The following KDM4C variants were observed in gnomAD, a reference collection of about 807,000 sequenced individuals.
KDM4C encodes lysine demethylase 4C, also known as lysine-specific demethylase 4C.
KDM4C carries 81 observed loss-of-function variants against 129.3 expected under a neutral mutation model. The ratio of observed to expected loss-of-function variants is 0.63; its 90% CI spans 0.52 to 0.75. KDM4C has a LOEUF of 0.75. KDM4C is among the 30% of genes least tolerant of loss of function. KDM4C has a pLI of 0.00. For missense variants in KDM4C, 1,457 were observed against 1,304.0 expected (o/e 1.12, Z -1.81); for synonymous variants, 573 against 456.1 (o/e 1.26, Z -3.26).
chr9:6,734,648 T>G (rs1433589866), intron 1 of KDM4C: 1 of 271,188 alleles, frequency 3.7e-6, no homozygotes, highest in Non-Finnish European at 7.1e-6. Flanking sequence ...ATACTTGCCA[T>G]CAGTCCTGCA....
chr9:6,988,763 T>A (rs1003686896), intron 11 of KDM4C, among the ~76,000 whole-genome samples: 4 of 152,108 alleles, frequency 2.6e-5, no homozygotes, highest in Non-Finnish European at 5.9e-5. Flanking sequence ...TCACTTTACG[T>A]GCTATTCTTG....
At chr9:6,971,216 T>A (rs1457751750) in intron 8 of KDM4C, among the ~76,000 whole-genome samples, 1 of 152,116 alleles carries the variant, frequency 6.6e-6, no homozygotes, top group Admixed American at 6.5e-5. Context: ...ATGTGGAGCT[T>A]TTTTTTGGCT....
chr9:6,851,385 T>G (rs1013480294), intron 5 of KDM4C, among the ~76,000 whole-genome samples: 8 of 152,188 alleles, frequency 5.3e-5, no homozygotes, highest in African/African-American at 1.9e-4. Flanking sequence ...CATCTTTTAG[T>G]TTTTTCAGAA....
chr9:6,961,159 A>G (rs1022081851), intron 8 of KDM4C, among the ~76,000 whole-genome samples: 2 of 152,254 alleles, frequency 1.3e-5, no homozygotes, highest in African/African-American at 4.8e-5. Context: ...AAATTTATTT[A>G]CTAAAGGTAA....
At chr9:6,931,996 C>T (rs1466781175) in intron 8 of KDM4C, among the ~76,000 whole-genome samples, 4 of 152,148 alleles carry the variant, frequency 2.6e-5, no homozygotes, top group Non-Finnish European at 5.9e-5. Flanking sequence ...GGAGTGAGGA[C>T]AGAAAAAGTG....
intron 1 of KDM4C, among the ~76,000 whole-genome samples, chr9:6,784,233 A>G (rs949330259): frequency 4.6e-5 from 7 of 152,130 alleles, no homozygotes; most frequent in Non-Finnish European, 8.8e-5. Context: ...AACTTTCCTG[A>G]GGTCACACAG....
chr9:6,747,024 A>AG (rs1817904110), intron 1 of KDM4C, among the ~76,000 whole-genome samples: 1 of 139,340 alleles, frequency 7.2e-6, no homozygotes, highest in Non-Finnish European at 1.5e-5. Flanking sequence ...AAAAAAAAAA[A>AG]AAAAAGAAAA....
chr9:7,004,285 C>T (rs944703643), intron 12 of KDM4C, among the ~76,000 whole-genome samples: 3 of 152,186 alleles, frequency 2.0e-5, no homozygotes, highest in African/African-American at 7.2e-5. Context: ...AAAATCTGTT[C>T]TTAAGGCAAG....
At chr9:6,875,559 A>G (rs1430266250) in intron 5 of KDM4C, among the ~76,000 whole-genome samples, 1 of 152,216 alleles carries the variant, frequency 6.6e-6, no homozygotes, top group African/African-American at 2.4e-5. Flanking sequence ...TAAGATAAGT[A>G]TCCCAGAGTT....
chr9:6,988,073 C>G (rs1436792602), intron 11 of KDM4C, among the ~76,000 whole-genome samples: 1 of 145,276 alleles, frequency 6.9e-6, no homozygotes, highest in Non-Finnish European at 1.5e-5. Flanking sequence ...GAGGATCACT[C>G]GAGCTCAGGA....
intron 8 of KDM4C, among the ~76,000 whole-genome samples, chr9:6,929,696 C>T (rs1402762405): frequency 6.6e-6 from 1 of 151,920 alleles, no homozygotes; most frequent in East Asian, 1.9e-4. Flanking sequence ...CTGCTGGAGT[C>T]CCAGTCAGGA....
chr9:6,961,609 A>C (rs750848153), intron 8 of KDM4C, among the ~76,000 whole-genome samples: 25 of 152,212 alleles, frequency 1.6e-4, no homozygotes, highest in Non-Finnish European at 2.1e-4. Context: ...CTAATGTCTT[A>C]AATTATGACT....
chr9:6,985,235 A>AG (rs1814886644), intron 10 of KDM4C, among the ~76,000 whole-genome samples: 1 of 152,246 alleles, frequency 6.6e-6, no homozygotes, highest in Admixed American at 6.5e-5. Flanking sequence ...AAAGAAAAAA[A>AG]GCTTAGGTCT....
intron 18 of KDM4C, among the ~76,000 whole-genome samples, chr9:7,107,597 C>T (rs1365454389): frequency 1.3e-5 from 2 of 152,176 alleles, no homozygotes; most frequent in African/African-American, 2.4e-5. Flanking sequence ...ATGAACATGG[C>T]CTCTTTATAC....
intron 17 of KDM4C, among the ~76,000 whole-genome samples, chr9:7,088,640 G>C (rs752639433): frequency 2.0e-5 from 3 of 152,170 alleles, no homozygotes; most frequent in Non-Finnish European, 4.4e-5. Context: ...GATTACATTT[G>C]CTACATATTA....
At chr9:6,799,110 G>A (rs183701071) in intron 2 of KDM4C, among the ~76,000 whole-genome samples, 2,140 of 148,900 alleles carry the variant, frequency 0.014, 50 homozygotes, top group African/African-American at 0.05. Flanking sequence ...GGCTCCTCAC[G>A]TCCCAGACGA....
chr9:7,165,420 ATC>A (rs1339095247), intron 20 of KDM4C, 63 bp downstream of exon 20: 1 of 1,558,148 alleles, frequency 6.4e-7, no homozygotes, highest in African/African-American at 1.4e-5. Context: ...AGGAGATAGT[ATC>A]TCAAGTGTGC....
intron 8 of KDM4C, among the ~76,000 whole-genome samples, chr9:6,919,551 CT>C: frequency 8.6e-6 from 1 of 116,548 alleles, no homozygotes; most frequent in African/African-American, 2.9e-5. Context: ...GTCTGTCTAT[CT>C]ATCTATCTAT....
At chr9:7,081,268 C>G (rs1458674242) in intron 17 of KDM4C, among the ~76,000 whole-genome samples, 1 of 152,160 alleles carries the variant, frequency 6.6e-6, no homozygotes, top group Non-Finnish European at 1.5e-5. Flanking sequence ...GACTTCAGGA[C>G]CTGGGCCAAG....
Sources: allele counts gnomAD v4.1 joint callset (sites outside exome capture counted in the v4.1 genomes callset), GRCh38; gene constraint gnomAD v4.1.1; transcripts MANE v1.5; gene names NCBI Gene and HGNC (gene_info 2026-07-23, HGNC 2026-07-21).